DAPK1: variants seen among roughly 807,000 people sequenced by gnomAD.
DAPK1 encodes the protein death-associated protein kinase 1.
In DAPK1, 56 loss-of-function variants were observed where a neutral mutation model predicts 144.9. The observed-to-expected ratio is 0.39, with a 90% confidence interval of 0.31 to 0.48. The LOEUF (loss-of-function observed/expected upper bound fraction) is 0.48, where lower values mean the gene tolerates loss of function less well. DAPK1 is among the 20% of genes least tolerant of loss of function. The probability of loss-of-function intolerance (pLI) is 0.95; values close to 1 mark genes in which losing one functional copy is unlikely to be tolerated. For synonymous variants in DAPK1, 690 were observed against 749.0 expected (o/e 0.92, Z 1.29); for missense variants, 1,454 against 1,875.4 (o/e 0.78, Z 4.15).
chr9:87,499,213 A>C, intron 2 of DAPK1, 74 bp downstream of exon 2: 1 of 1,299,990 alleles, frequency 7.7e-7, no homozygotes, highest in Non-Finnish European at 1.1e-6. Flanking sequence ...GGTGGTAAAC[A>C]AATGCAGTTT....
At chr9:87,689,745 C>T (rs1450563747) in intron 21 of DAPK1, among the ~76,000 whole-genome samples, 1 of 152,102 alleles carries the variant, frequency 6.6e-6, no homozygotes, top group African/African-American at 2.4e-5. Flanking sequence ...TTCCCAGCAG[C>T]GTTTATTTAC....
In DAPK1 at chr9:87,690,137, C is replaced by T. The variant is rs375146183; in HGVS notation, c.2413+3398C>T. Among the ~76,000 whole-genome samples the T allele has an allele frequency of 3.9e-5, 6 of 152,180 alleles. No individual in the cohort carries two copies. The East Asian group carries it at 9.6e-4, about 24-fold the overall frequency. On this transcript the variant is annotated intron_variant, in intron 21 of 25. Coordinates refer to ENST00000408954, the MANE Select transcript of DAPK1 (RefSeq NM_004938.4). ...AATGTTGATTCTTCCAATATATGAC[C>T]ACAGCATGTATTTGCATTTGTTTGT...
At chr9:87,604,426 G>A (rs1828640572) in intron 2 of DAPK1, among the ~76,000 whole-genome samples, 1 of 152,068 alleles carries the variant, frequency 6.6e-6, no homozygotes, top group African/African-American at 2.4e-5. Flanking sequence ...ACAAATATTT[G>A]GTACATATGA....
intron 2 of DAPK1, among the ~76,000 whole-genome samples, chr9:87,601,689 G>A (rs1286615897): frequency 6.6e-6 from 1 of 152,124 alleles, no homozygotes; most frequent in Non-Finnish European, 1.5e-5. Flanking sequence ...GTCAGGTGCT[G>A]TCCTAAACAC....
intron 3 of DAPK1, among the ~76,000 whole-genome samples, chr9:87,605,845 G>T (rs1828696842): frequency 6.6e-6 from 1 of 152,120 alleles, no homozygotes; most frequent in South Asian, 2.1e-4. Flanking sequence ...GCTGTGCTGA[G>T]TGGGGCCCCA....
rs189560363 is a variant in DAPK1, at chr9:87,531,575, A to G, written c.62+32436A>G. On this transcript the variant is annotated intron_variant, in intron 2 of 25. Coordinates refer to ENST00000408954, the MANE Select transcript of DAPK1 (RefSeq NM_004938.4). ...CCTGTGCTGCAATATTGACCTGAGG[A>G]TGAGTAGAAAAAGGCAGAGGAGCTG... is the stretch of plus-strand genomic sequence containing the variant. Among the ~76,000 whole-genome samples the G allele has an allele frequency of 1.8e-3, 273 of 152,266 alleles. 1 individual carries two copies. The highest frequency in any genetic ancestry group is 2.9e-3 in the Non-Finnish European group (196 of 68,018).
intron 2 of DAPK1, among the ~76,000 whole-genome samples, chr9:87,551,527 C>G (rs1278975967): frequency 2.6e-5 from 4 of 152,204 alleles, no homozygotes; most frequent in African/African-American, 7.2e-5. Context: ...ATCCGGTCAC[C>G]TGGACCAGTA....
chr9:87,603,937 C>A (rs11141909), intron 2 of DAPK1, among the ~76,000 whole-genome samples: 5,652 of 152,266 alleles, frequency 0.037, 153 homozygotes, highest in Non-Finnish European at 0.049. Context: ...AAGGTGCTTT[C>A]CTCTGCAAGA....
intron 18 of DAPK1, among the ~76,000 whole-genome samples, chr9:87,659,720 A>G (rs73481400): frequency 0.071 from 10,844 of 152,216 alleles, 1,296 homozygotes; most frequent in African/African-American, 0.24. Context: ...CACCGCAGGA[A>G]AAGCGTCTTC....
intron 21 of DAPK1, among the ~76,000 whole-genome samples, chr9:87,691,337 C>A (rs766378484): frequency 2.6e-5 from 4 of 151,790 alleles, no homozygotes; most frequent in Non-Finnish European, 5.9e-5. Context: ...AGTTGTAATA[C>A]CTTACTTTTC....
At chr9:87,616,779 G>A (rs1016750974) in intron 3 of DAPK1, among the ~76,000 whole-genome samples, 2 of 152,216 alleles carry the variant, frequency 1.3e-5, no homozygotes, top group Non-Finnish European at 2.9e-5. Context: ...CATAACACAA[G>A]CTGAGCCTCA....
chr9:87,625,839 C>A (rs140219208), intron 3 of DAPK1, among the ~76,000 whole-genome samples: 1 of 152,276 alleles, frequency 6.6e-6, no homozygotes, highest in African/African-American at 2.4e-5. Flanking sequence ...TCACTTTAAG[C>A]AAAGTTAGAA....
rs190948768 is a variant in DAPK1 at position 87,534,552 on chromosome 9, G to A, written c.62+35413G>A. Among the ~76,000 whole-genome samples the A allele has an allele frequency of 1.1e-3, 169 of 152,122 alleles. 3 individuals carry two copies. The East Asian group carries it at 0.024, about 22-fold the overall frequency. On this transcript the variant is annotated intron_variant, in intron 2 of 25. Transcript: ENST00000408954. The stretch of plus-strand genomic sequence containing the variant: ...TATGCATCTGCAGTGTTCTTGTTAG[G>A]TAAGCACTGTTGGGACAGGTAGAGT...
intron 2 of DAPK1, among the ~76,000 whole-genome samples, chr9:87,571,135 G>A (rs1458741762): frequency 6.6e-6 from 1 of 151,934 alleles, no homozygotes; most frequent in African/African-American, 2.4e-5. Flanking sequence ...AGAATAGAAG[G>A]CATTGTGTAT....
chr9:87,518,117 T>G (rs1470217458), intron 2 of DAPK1, among the ~76,000 whole-genome samples: 97 of 141,280 alleles, frequency 6.9e-4, no homozygotes, highest in African/African-American at 2.9e-3. Flanking sequence ...TTTTTTTTTT[T>G]TTTTTTTTTT....
At chr9:87,518,902 A>G (rs1292883844) in intron 2 of DAPK1, among the ~76,000 whole-genome samples, 4 of 145,790 alleles carry the variant, frequency 2.7e-5, no homozygotes, top group Non-Finnish European at 6.0e-5. Context: ...GCATCCATCC[A>G]GTAATATCTT....
At chr9:87,635,663 C>T (rs1829868802) in intron 3 of DAPK1, among the ~76,000 whole-genome samples, 1 of 152,190 alleles carries the variant, frequency 6.6e-6, no homozygotes, top group South Asian at 2.1e-4. Context: ...CTGGACCTTA[C>T]CCACGTGCCA....
At chr9:87,513,246 T>C (rs1404812309) in intron 2 of DAPK1, among the ~76,000 whole-genome samples, 1 of 152,264 alleles carries the variant, frequency 6.6e-6, no homozygotes, top group Non-Finnish European at 1.5e-5. Flanking sequence ...CTTGCTGCAG[T>C]GTTGGGCAGG....
chr9:87,686,891 C>T lies in DAPK1; in HGVS notation c.2413+152C>T, dbSNP rs985356970. On this transcript the variant is annotated intron_variant, in intron 21 of 25. Coordinates refer to ENST00000408954, the MANE Select transcript of DAPK1 (RefSeq NM_004938.4). The surrounding 1 kb of genome is among the most constrained non-coding windows in gnomAD (Gnocchi z 4.2). ...TATTCAGAGTGAGCCAGGACTGAAG[C>T]ATGGCTGGCTACCATCCCTAAACAG... 2.8e-6 allele frequency: 4 copies of T among 1,417,284 alleles called. No individual in the cohort carries two copies. The Admixed American group carries it at 1.1e-4, about 39-fold the overall frequency. The allele number at this position is 1,417,284 out of a possible 1,614,324, so 87.8% of individuals were successfully genotyped here.
Sources: allele counts gnomAD v4.1 joint callset (sites outside exome capture counted in the v4.1 genomes callset), GRCh38; gene constraint gnomAD v4.1.1; non-coding constraint Gnocchi (gnomAD v3.1); transcripts MANE v1.5; gene names NCBI Gene and HGNC (gene_info 2026-07-23, HGNC 2026-07-21).